Variants in EYS observed in about 807,000 individuals in gnomAD.
EYS encodes the protein protein eyes shut homolog.
In EYS, 250 loss-of-function variants were observed where a neutral mutation model predicts 282.1. The ratio of observed to expected loss-of-function variants is 0.89; its 90% CI spans 0.80 to 0.98. The LOEUF (loss-of-function observed/expected upper bound fraction) is 0.98. Among genes scored for constraint, EYS ranks in the 50% least tolerant of loss-of-function variants. The pLI, the probability that EYS is intolerant of heterozygous loss-of-function variation, is 0.00. For missense variants in EYS, 4,016 were observed against 3,709.0 expected, an observed-to-expected ratio of 1.08 and a Z score of -2.15; for synonymous variants, 1,355 against 1,282.9, an observed-to-expected ratio of 1.06 and a Z score of -1.20.
At chr6:65,175,939 C>T (rs528929435) in intron 12 of EYS, among the ~76,000 whole-genome samples, 7 of 151,546 alleles carry the variant, frequency 4.6e-5, no homozygotes, top group African/African-American at 1.7e-4. Context: ...ATCTTTACTG[C>T]ATTATCATTA....
intron 36 of EYS, chr6:63,857,675 T>C: frequency 2.2e-6 from 1 of 447,364 alleles, no homozygotes. Flanking sequence ...CAAGCACTAC[T>C]TGTTTGCCAA....
chr6:65,489,440 C>T (rs1160032160), intron 5 of EYS: 1 of 152,144 alleles, frequency 6.6e-6, no homozygotes. Context: ...CATCTTATGC[C>T]ATTTAGAATG....
In EYS at chr6:64,682,458, G is replaced by A. The variant is rs549000848; in HGVS notation, c.3444-56213C>T. On this transcript the variant is annotated intron_variant, in intron 22 of 42. Transcript: ENST00000503581. ...CCAATTCCTGATGGTCCACACTGTT[G>A]CACGAAAGTGTTAATTGGATGCAGG... Among the ~76,000 whole-genome samples, 3 of 152,298 alleles carry A rather than the reference G, an allele frequency of 2.0e-5. No individual in the cohort carries two copies. The South Asian group carries it at 6.2e-4, about 32-fold the overall frequency.
chr6:64,174,141 C>T (rs1251054158), intron 31 of EYS, among the ~76,000 whole-genome samples: 1 of 151,868 alleles, frequency 6.6e-6, no homozygotes, highest in Non-Finnish European at 1.5e-5. Context: ...TTTATTTATC[C>T]TTATCAATAA....
chr6:65,639,970 G>A (rs1767221648), intron 1 of EYS, 78 bp from the exon 2 acceptor site: 1 of 152,056 alleles, frequency 6.6e-6, no homozygotes. Flanking sequence ...CACATCTTAT[G>A]GAGGGATATA....
intron 13 of EYS, among the ~76,000 whole-genome samples, chr6:65,029,823 G>A (rs1432225491): frequency 3.9e-5 from 6 of 152,154 alleles, no homozygotes; most frequent in Admixed American, 3.3e-4. Flanking sequence ...ATGGATACCC[G>A]GGGCTGAATG....
At chr6:63,954,144 C>T (rs1765714237) in intron 35 of EYS, among the ~76,000 whole-genome samples, 1 of 152,190 alleles carries the variant, frequency 6.6e-6, no homozygotes, top group Non-Finnish European at 1.5e-5. Flanking sequence ...CAACTGACCC[C>T]TGTGACTGTA....
chr6:64,227,016 G>C (rs563067607), intron 31 of EYS, among the ~76,000 whole-genome samples: 1 of 152,024 alleles, frequency 6.6e-6, no homozygotes, highest in Non-Finnish European at 1.5e-5. Context: ...AAGTAAAAAG[G>C]AATGAGGCTT....
chr6:65,086,388 T>C (rs1272805169), intron 12 of EYS, among the ~76,000 whole-genome samples: 1 of 152,158 alleles, frequency 6.6e-6, no homozygotes, highest in Non-Finnish European at 1.5e-5. Context: ...TTCTTTCTTC[T>C]AAGCTATGCT....
intron 34 of EYS, among the ~76,000 whole-genome samples, chr6:63,989,050 T>G (rs374110996): frequency 2.8e-4 from 43 of 151,720 alleles, no homozygotes; most frequent in African/African-American, 1.0e-3. Flanking sequence ...TGATTTAATG[T>G]TTACTTTTAT....
intron 30 of EYS, among the ~76,000 whole-genome samples, chr6:64,281,785 T>G (rs964022236): frequency 2.2e-4 from 34 of 152,134 alleles, no homozygotes; most frequent in Non-Finnish European, 4.6e-4. Context: ...GGCATGATTT[T>G]CAATGTAAAT....
intron 30 of EYS, among the ~76,000 whole-genome samples, chr6:64,242,484 A>G (rs1039553044): frequency 1.3e-5 from 2 of 152,034 alleles, no homozygotes; most frequent in African/African-American, 4.8e-5. Context: ...ATGTTTCAAC[A>G]GTTTTATGTT....
At chr6:64,196,777 G>C (rs1368816153) in intron 31 of EYS, among the ~76,000 whole-genome samples, 1 of 151,042 alleles carries the variant, frequency 6.6e-6, no homozygotes, top group East Asian at 1.9e-4. Flanking sequence ...ATAGCATTAG[G>C]AGATATACCT....
chr6:64,304,344 G>A (rs1003628340), intron 30 of EYS, among the ~76,000 whole-genome samples: 14 of 152,248 alleles, frequency 9.2e-5, no homozygotes, highest in African/African-American at 2.6e-4. Context: ...AATAATAGTG[G>A]AGAATTAAAT....
At position 64,506,688 on chromosome 6, in the gene EYS, G is replaced by A. The variant is rs1777217733; in HGVS notation, c.5645-67336C>T. On this transcript the variant is annotated intron_variant, in intron 26 of 42. Coordinates refer to ENST00000503581, the MANE Select transcript of EYS (RefSeq NM_001142800.2). ...AGCACGTTGGGAGGCCGAGGCAGGCGTATCACGAGGTCAGGAGATGGAGAC... is the reference window on the plus strand; with the variant it reads ...AGCACGTTGGGAGGCCGAGGCAGGCATATCACGAGGTCAGGAGATGGAGAC... Among the ~76,000 whole-genome samples the A allele has an allele frequency of 2.6e-5, 4 of 152,106 alleles. 1 individual carries two copies. In the South Asian group the frequency reaches 8.3e-4, roughly 32 times the overall value.
intron 30 of EYS, among the ~76,000 whole-genome samples, chr6:64,291,155 G>A (rs1028715884): frequency 1.3e-5 from 2 of 151,598 alleles, no homozygotes; most frequent in African/African-American, 4.8e-5. Context: ...ACCAAAAGCA[G>A]ATATTGAAAA....
intron 12 of EYS, among the ~76,000 whole-genome samples, chr6:65,217,262 T>C (rs954250028): frequency 3.3e-5 from 5 of 152,118 alleles, no homozygotes; most frequent in African/African-American, 4.8e-5. Flanking sequence ...TTGATTGTTT[T>C]AACCTGAATA....
chr6:64,413,684 G>A lies in EYS; in HGVS notation c.5927+22490C>T, dbSNP rs570941410. Among the ~76,000 whole-genome samples the A allele has an allele frequency of 1.1e-4, 17 of 152,152 alleles. No homozygotes were observed. The East Asian group carries it at 3.3e-3, about 29-fold the overall frequency. On this transcript the variant is annotated intron_variant, in intron 28 of 42. Transcript: ENST00000503581. The stretch of plus-strand genomic sequence containing the variant: ...TAGAAAATCAATGAAATAATTTAAG[G>A]GACTAAGATACTAGTACTGCTGTAC...
At chr6:64,090,069 T>C (rs1772300743) in intron 31 of EYS, among the ~76,000 whole-genome samples, 1 of 152,110 alleles carries the variant, frequency 6.6e-6, no homozygotes, top group South Asian at 2.1e-4. Context: ...TTTCTCTTAC[T>C]AAATAAAACA....
Sources: gnomAD v4.1 joint callset for allele counts (sites outside exome capture counted in the v4.1 genomes callset) on GRCh38, gnomAD v4.1.1 for gene constraint, MANE v1.5 for transcripts, NCBI Gene and HGNC (gene_info 2026-07-23, HGNC 2026-07-21) for gene names.